Variants in RBFOX3 observed in about 807,000 individuals in gnomAD.
RBFOX3 encodes the protein RNA binding fox-1 homolog 3.
Under a neutral mutation model 48.7 loss-of-function variants are expected in RBFOX3, and 17 were observed. That is an observed-to-expected ratio of 0.35 (90% CI 0.24 to 0.52). RBFOX3 has a LOEUF of 0.52. Among genes scored for constraint, RBFOX3 ranks in the 20% least tolerant of loss-of-function variants. The probability of loss-of-function intolerance (pLI) is 0.94; values close to 1 mark genes in which losing one functional copy is unlikely to be tolerated. For missense variants in RBFOX3, 382 were observed against 497.5 expected, an observed-to-expected ratio of 0.77 and a Z score of 2.21; for synonymous variants, 212 against 209.5, an observed-to-expected ratio of 1.01 and a Z score of -0.10.
intron 13 of RBFOX3, 44 bp downstream of exon 13, chr17:79,095,466 ATCT>A: frequency 6.6e-7 from 1 of 1,513,324 alleles, no homozygotes; most frequent in Middle Eastern, 1.7e-4. Flanking sequence ...ATCCTTGTCC[ATCT>A]TCTCCCCACC....
chr17:79,434,806 G>C (rs1339903283), intron 2 of RBFOX3, among the ~76,000 whole-genome samples: 4 of 152,160 alleles, frequency 2.6e-5, no homozygotes, highest in African/African-American at 9.7e-5. Context: ...CATTAATGGG[G>C]AGAGAACTTT....
intron 4 of RBFOX3, among the ~76,000 whole-genome samples, chr17:79,128,678 C>T (rs1222849288): frequency 1.3e-5 from 2 of 152,214 alleles, no homozygotes; most frequent in Admixed American, 1.3e-4. Context: ...TCGTAGCCAG[C>T]AAGGTGAGAA....
chr17:79,442,336 G>A (rs200263660), intron 2 of RBFOX3, among the ~76,000 whole-genome samples: 2 of 8,456 alleles, frequency 2.4e-4, no homozygotes, highest in Non-Finnish European at 5.2e-4. Flanking sequence ...GGAGAGAGAG[G>A]GAGGGAGGGA....
At chr17:79,100,729 C>A (rs1026762339) in intron 9 of RBFOX3, among the ~76,000 whole-genome samples, 3 of 152,222 alleles carry the variant, frequency 2.0e-5, no homozygotes, top group Non-Finnish European at 4.4e-5. Context: ...TGAGCGGAGG[C>A]CCCCAACGTA....
intron 1 of RBFOX3, among the ~76,000 whole-genome samples, chr17:79,530,472 A>G (rs2087564379): frequency 6.6e-6 from 1 of 152,166 alleles, no homozygotes; most frequent in South Asian, 2.1e-4. Flanking sequence ...CCCTGGGCTC[A>G]GCGACAGCTC....
At chr17:79,338,198 C>G (rs2081494455) in intron 2 of RBFOX3, among the ~76,000 whole-genome samples, 1 of 152,164 alleles carries the variant, frequency 6.6e-6, no homozygotes, top group Non-Finnish European at 1.5e-5. Flanking sequence ...CTTAGCCTCC[C>G]AAAGTGCTGG....
chr17:79,560,016 G>A (rs2092103384), intron 1 of RBFOX3, among the ~76,000 whole-genome samples: 2 of 145,442 alleles, frequency 1.4e-5, no homozygotes, highest in South Asian at 4.6e-4. Flanking sequence ...AAGGATGGGT[G>A]GGTGGGTGTA....
At chr17:79,620,347 A>ACACGGACATGCACG in the RBFOX3 span, among the ~76,000 whole-genome samples, 2 of 147,826 alleles carry the variant, frequency 1.4e-5, no homozygotes, top group African/African-American at 4.9e-5. Flanking sequence ...AGACATGCAC[A>ACACGGACATGCACG]CACACGGACA....
intron 2 of RBFOX3, among the ~76,000 whole-genome samples, chr17:79,456,167 G>T (rs1390069562): frequency 6.6e-6 from 1 of 152,138 alleles, no homozygotes; most frequent in African/African-American, 2.4e-5. Flanking sequence ...GCCTTAATGT[G>T]CTCCCGAGCC....
intron 4 of RBFOX3, chr17:79,233,793 G>A (rs1377988598): frequency 6.6e-6 from 1 of 152,178 alleles, no homozygotes; most frequent in Non-Finnish European, 1.5e-5. Flanking sequence ...TTTTAGTAGA[G>A]ACGGGGTTTC....
chr17:79,494,167 A>C (rs2081102834), intron 1 of RBFOX3, among the ~76,000 whole-genome samples: 1 of 152,198 alleles, frequency 6.6e-6, no homozygotes. Context: ...CCAAGTGGCC[A>C]CCGTATTTCC....
intron 2 of RBFOX3, among the ~76,000 whole-genome samples, chr17:79,426,288 A>G (rs138135017): frequency 6.6e-6 from 1 of 152,288 alleles, no homozygotes; most frequent in Non-Finnish European, 1.5e-5. Flanking sequence ...CAGACAGTCG[A>G]GGATGGCTGT....
chr17:79,610,545 C>CT (rs1217977884), intron 1 of RBFOX3, among the ~76,000 whole-genome samples: 2 of 152,088 alleles, frequency 1.3e-5, no homozygotes, highest in Non-Finnish European at 2.9e-5. Context: ...ACCCCCGGGC[C>CT]TTCCCATTCA....
chr17:79,470,083 A>G (rs1424922196), intron 2 of RBFOX3, among the ~76,000 whole-genome samples: 4 of 152,158 alleles, frequency 2.6e-5, no homozygotes, highest in African/African-American at 9.7e-5. Context: ...AGAGGCTGTC[A>G]TGGGTCATCT....
intron 2 of RBFOX3, among the ~76,000 whole-genome samples, chr17:79,394,940 C>T (rs889771283): frequency 1.3e-5 from 2 of 152,186 alleles, no homozygotes; most frequent in Non-Finnish European, 2.9e-5. Flanking sequence ...CGCAGAGAGG[C>T]GGCAAGACGT....
intron 2 of RBFOX3, among the ~76,000 whole-genome samples, chr17:79,308,185 A>G (rs989072200): frequency 6.6e-6 from 1 of 151,986 alleles, no homozygotes; most frequent in Non-Finnish European, 1.5e-5. Context: ...CCTGTCCCCA[A>G]GCCGGGCCCC....
At chr17:79,380,842 G>A (rs917350130) in intron 2 of RBFOX3, among the ~76,000 whole-genome samples, 3 of 151,524 alleles carry the variant, frequency 2.0e-5, no homozygotes, top group Non-Finnish European at 4.4e-5. Flanking sequence ...GAGCACTTCC[G>A]TATTTGGACG....
chr17:79,339,368 C>T (rs2081690481), intron 2 of RBFOX3, among the ~76,000 whole-genome samples: 1 of 152,154 alleles, frequency 6.6e-6, no homozygotes, highest in Non-Finnish European at 1.5e-5. Flanking sequence ...GATTCTTAGT[C>T]GCGCTGAAGC....
chr17:79,607,797 A>T (rs2093868587), intron 1 of RBFOX3, among the ~76,000 whole-genome samples: 2 of 152,212 alleles, frequency 1.3e-5, no homozygotes, highest in Non-Finnish European at 1.5e-5. Flanking sequence ...CAGCCAGGGA[A>T]GATGGCATTT....
Sources: allele counts gnomAD v4.1 joint callset (sites outside exome capture counted in the v4.1 genomes callset), GRCh38; gene constraint gnomAD v4.1.1; transcripts MANE v1.5; gene names NCBI Gene and HGNC (gene_info 2026-07-23, HGNC 2026-07-21).